Variants in NLGN1 observed in about 807,000 individuals in gnomAD.
The protein encoded by NLGN1 is neuroligin-1.
A neutral mutation model predicts 65.5 loss-of-function variants in NLGN1; 12 were observed. The ratio of observed to expected loss-of-function variants is 0.18; its 90% CI spans 0.12 to 0.30. NLGN1 has a LOEUF of 0.30. Among genes scored for constraint, NLGN1 ranks in the 10% least tolerant of loss-of-function variants. The pLI, the probability that NLGN1 is intolerant of heterozygous loss-of-function variation, is 1.00. For missense variants in NLGN1, 750 were observed against 1,007.1 expected, an observed-to-expected ratio of 0.74 and a Z score of 3.46; for synonymous variants, 350 against 359.5, an observed-to-expected ratio of 0.97 and a Z score of 0.30.
At chr3:174,017,404 T>C (rs1008940504) in intron 4 of NLGN1, among the ~76,000 whole-genome samples, 3 of 152,184 alleles carry the variant, frequency 2.0e-5, no homozygotes, top group Non-Finnish European at 4.4e-5. Flanking sequence ...TTTGACAGCC[T>C]ATCAGTGTTT....
chr3:173,795,209 T>G (rs1390650316), intron 3 of NLGN1, among the ~76,000 whole-genome samples: 1 of 152,060 alleles, frequency 6.6e-6, no homozygotes, highest in South Asian at 2.1e-4. Context: ...CCACCAAGAT[T>G]TGCACTGATA....
At chr3:173,856,992 A>G (rs1231700556) in intron 4 of NLGN1, among the ~76,000 whole-genome samples, 1 of 149,716 alleles carries the variant, frequency 6.7e-6, no homozygotes, top group East Asian at 2.0e-4. Flanking sequence ...CTGGAAAGGC[A>G]CCTTTGGTAT....
intron 2 of NLGN1, among the ~76,000 whole-genome samples, chr3:173,466,382 C>G (rs1576826348): frequency 6.6e-6 from 1 of 152,166 alleles, no homozygotes; most frequent in East Asian, 1.9e-4. Context: ...ATAAAAAGCC[C>G]TGATAGAGTA....
intron 3 of NLGN1, among the ~76,000 whole-genome samples, chr3:173,617,952 T>A (rs1753377857): frequency 6.6e-6 from 1 of 152,164 alleles, no homozygotes; most frequent in Non-Finnish European, 1.5e-5. Context: ...ACCATCTACC[T>A]CTGTAAATAG....
the NLGN1 span, among the ~76,000 whole-genome samples, chr3:174,292,725 T>C: frequency 2.0e-5 from 3 of 151,564 alleles, no homozygotes; most frequent in East Asian, 5.8e-4. Flanking sequence ...TAATTTCAGT[T>C]GTCACTTGTT....
Position 174,276,540 on chromosome 3 carries a change from G to GTGTT in NLGN1, c.859+1015_859+1018dup, listed in dbSNP as rs566572874. Reference sequence around the variant, plus strand: ...TACACTGTCAAGTATAATTCATGAAGTGTTTTAATTTGTAAGGTTGAGTTT... The same window carrying GTGTT: ...TACACTGTCAAGTATAATTCATGAAGTGTTTGTTTTAATTTGTAAGGTTGAGTTT... On this transcript the variant is annotated intron_variant, in intron 5 of 6. Transcript: ENST00000457714. Among the ~76,000 whole-genome samples, 34 of 151,938 alleles carry GTGTT rather than the reference G, an allele frequency of 2.2e-4. No homozygotes were observed. The South Asian group carries it at 6.6e-3, about 30-fold the overall frequency.
intron 2 of NLGN1, among the ~76,000 whole-genome samples, chr3:173,543,971 A>G (rs959345770): frequency 6.6e-6 from 1 of 152,138 alleles, no homozygotes; most frequent in African/African-American, 2.4e-5. Context: ...CTTAGATGAA[A>G]TCTAAGTGAT....
At chr3:173,406,047 A>G (rs979677656) in intron 1 of NLGN1, among the ~76,000 whole-genome samples, 3 of 152,132 alleles carry the variant, frequency 2.0e-5, no homozygotes, top group Non-Finnish European at 4.4e-5. Context: ...GATTTATTGT[A>G]TCATATATAG....
intron 4 of NLGN1, among the ~76,000 whole-genome samples, chr3:174,039,376 T>C (rs2152486344): frequency 6.6e-6 from 1 of 152,204 alleles, no homozygotes. Flanking sequence ...ATCTAGGTTT[T>C]AAGCCCGGCA....
intron 3 of NLGN1, among the ~76,000 whole-genome samples, chr3:173,725,056 G>A (rs1771534377): frequency 6.6e-6 from 1 of 151,978 alleles, no homozygotes; most frequent in Non-Finnish European, 1.5e-5. Flanking sequence ...GATAGCATTA[G>A]GAGATATACC....
intron 4 of NLGN1, among the ~76,000 whole-genome samples, chr3:173,896,830 G>A (rs1049709863): frequency 3.9e-5 from 6 of 152,104 alleles, no homozygotes; most frequent in Admixed American, 3.3e-4. Context: ...CTTTCCCTCA[G>A]CTAGAGACCT....
intron 4 of NLGN1, among the ~76,000 whole-genome samples, chr3:173,913,186 TA>T (rs1560615594): frequency 6.6e-6 from 1 of 152,052 alleles, no homozygotes. Flanking sequence ...AAAACATTTA[TA>T]AGAAAGAATC....
chr3:173,706,827 G>T (rs975019677), intron 3 of NLGN1, among the ~76,000 whole-genome samples: 2 of 152,188 alleles, frequency 1.3e-5, no homozygotes, highest in African/African-American at 4.8e-5. Context: ...ACGCCCACGC[G>T]TGCACGCACG....
intron 4 of NLGN1, among the ~76,000 whole-genome samples, chr3:173,812,789 A>G (rs866617159): frequency 1.4e-5 from 2 of 146,556 alleles, no homozygotes; most frequent in South Asian, 2.1e-4. Flanking sequence ...GTATATATAT[A>G]TGTATTTTTA....
intron 4 of NLGN1, among the ~76,000 whole-genome samples, chr3:173,821,756 A>T (rs1185373127): frequency 1.3e-5 from 2 of 152,186 alleles, no homozygotes; most frequent in African/African-American, 4.8e-5. Context: ...ATCTGCATCT[A>T]TATGAGAAAA....
At chr3:174,052,792 A>T (rs1301378828) in intron 4 of NLGN1, among the ~76,000 whole-genome samples, 2 of 152,000 alleles carry the variant, frequency 1.3e-5, no homozygotes, top group Non-Finnish European at 2.9e-5. Flanking sequence ...CGGTACTGGA[A>T]ATTAGACAAC....
At chr3:173,792,048 C>A (rs1480961575) in intron 3 of NLGN1, among the ~76,000 whole-genome samples, 1 of 152,050 alleles carries the variant, frequency 6.6e-6, no homozygotes, top group Non-Finnish European at 1.5e-5. Flanking sequence ...AGAATTGTGT[C>A]CCCGAAATAC....
chr3:173,411,785 A>T (rs937757177), intron 1 of NLGN1, among the ~76,000 whole-genome samples: 2 of 152,030 alleles, frequency 1.3e-5, no homozygotes, highest in African/African-American at 4.8e-5. Flanking sequence ...GCTTCTACCT[A>T]CTTTTTCCTG....
At chr3:174,071,248 G>A (rs972269127) in intron 4 of NLGN1, among the ~76,000 whole-genome samples, 9 of 152,118 alleles carry the variant, frequency 5.9e-5, no homozygotes, top group African/African-American at 1.9e-4. Context: ...CAGCATTTAA[G>A]CCAGGAAGAC....
Sources: allele counts gnomAD v4.1 joint callset (sites outside exome capture counted in the v4.1 genomes callset), GRCh38; gene constraint gnomAD v4.1.1; transcripts MANE v1.5; gene names NCBI Gene and HGNC (gene_info 2026-07-23, HGNC 2026-07-21).